Variants in GLIS3 observed in about 807,000 individuals in gnomAD.
GLIS3 encodes the protein zinc finger protein GLIS3.
GLIS3 carries 53 observed loss-of-function variants against 78.6 expected under a neutral mutation model. The observed-to-expected ratio is 0.67, with a 90% CI of 0.54 to 0.85. The LOEUF (loss-of-function observed/expected upper bound fraction) is 0.85, where lower values mean the gene tolerates loss of function less well. GLIS3 is among the 40% of genes least tolerant of loss of function. The pLI is 0.00. For synonymous variants in GLIS3, 684 were observed against 509.9 expected (o/e 1.34, Z -4.60); for missense variants, 1,703 against 1,231.1 (o/e 1.38, Z -5.74).
intron 4 of GLIS3, among the ~76,000 whole-genome samples, chr9:3,991,881 G>A (rs538703686): frequency 4.6e-5 from 7 of 151,682 alleles, no homozygotes; most frequent in Admixed American, 2.0e-4. Context: ...TAGTAGAGAC[G>A]GGGTTTCACC....
At chr9:3,892,678 T>G (rs1273686358) in intron 7 of GLIS3, among the ~76,000 whole-genome samples, 1 of 152,180 alleles carries the variant, frequency 6.6e-6, no homozygotes, top group Non-Finnish European at 1.5e-5. Flanking sequence ...AACAGTTTTT[T>G]TTTTCTTTAC....
chr9:4,017,786 T>G (rs1822557334), intron 4 of GLIS3, among the ~76,000 whole-genome samples: 1 of 152,168 alleles, frequency 6.6e-6, no homozygotes, highest in African/African-American at 2.4e-5. Context: ...TGGTAGTTTT[T>G]CAACAATATT....
intron 2 of GLIS3, among the ~76,000 whole-genome samples, chr9:4,343,271 G>T (rs968058557): frequency 2.0e-5 from 3 of 152,204 alleles, no homozygotes; most frequent in African/African-American, 4.8e-5. Flanking sequence ...GAGCCCAGGA[G>T]TTCGAGGCTT....
intron 7 of GLIS3, chr9:3,898,318 A>G (rs1823015568): frequency 3.2e-6 from 1 of 310,186 alleles, no homozygotes; most frequent in Non-Finnish European, 6.3e-6. Flanking sequence ...AAACATAAAG[A>G]TGACAACAAC....
At chr9:4,182,510 T>A (rs1310362731) in intron 2 of GLIS3, among the ~76,000 whole-genome samples, 1 of 152,152 alleles carries the variant, frequency 6.6e-6, no homozygotes, top group African/African-American at 2.4e-5. Flanking sequence ...GGGCAGAGGT[T>A]GAATTGAAAA....
intron 2 of GLIS3, chr9:4,285,829 T>G: frequency 6.5e-6 from 4 of 618,130 alleles, no homozygotes; most frequent in Middle Eastern, 2.5e-4. Flanking sequence ...TCCCAGGAGA[T>G]GTCTCATACT....
At chr9:4,374,996 C>G in the GLIS3 span, among the ~76,000 whole-genome samples, 21 of 152,224 alleles carry the variant, frequency 1.4e-4, no homozygotes, top group East Asian at 2.3e-3. Context: ...ATTATTTCAA[C>G]CCCCCTACTG....
intron 5 of GLIS3, 40 bp downstream of exon 5, chr9:3,936,988 G>A: frequency 6.2e-7 from 1 of 1,611,656 alleles, no homozygotes; most frequent in Non-Finnish European, 8.5e-7. Flanking sequence ...CCTCACACCA[G>A]GCGCTGGGTT....
At chr9:3,875,918 A>G (rs183575216) in intron 8 of GLIS3, among the ~76,000 whole-genome samples, 2 of 152,244 alleles carry the variant, frequency 1.3e-5, no homozygotes, top group African/African-American at 4.8e-5. Flanking sequence ...AACCCCTATG[A>G]TCATTTAACA....
chr9:4,439,298 C>T, the GLIS3 span, among the ~76,000 whole-genome samples: 20 of 152,206 alleles, frequency 1.3e-4, no homozygotes, highest in Non-Finnish European at 1.5e-5. Context: ...AAAATGCACA[C>T]TCCAATGTTT....
chr9:4,252,071 T>C (rs1259479836), intron 2 of GLIS3, among the ~76,000 whole-genome samples: 1 of 152,154 alleles, frequency 6.6e-6, no homozygotes, highest in Non-Finnish European at 1.5e-5. Context: ...GTGAATCTGA[T>C]AATTATGTGT....
At chr9:4,396,552 G>C in the GLIS3 span, among the ~76,000 whole-genome samples, 1 of 152,138 alleles carries the variant, frequency 6.6e-6, no homozygotes, top group African/African-American at 2.4e-5. Context: ...AAAATTTCTA[G>C]TTTCCTTTCA....
chr9:3,860,246 G>T (rs1211509908), intron 8 of GLIS3, among the ~76,000 whole-genome samples: 1 of 103,028 alleles, frequency 9.7e-6, no homozygotes, highest in Non-Finnish European at 1.8e-5. Context: ...CTGCACTCCA[G>T]CCTGGGTGAC....
At chr9:4,406,869 C>G in the GLIS3 span, among the ~76,000 whole-genome samples, 11 of 152,286 alleles carry the variant, frequency 7.2e-5, no homozygotes, top group Non-Finnish European at 1.6e-4. Flanking sequence ...TTTATACTAG[C>G]CAAAGCAATC....
intron 2 of GLIS3, among the ~76,000 whole-genome samples, chr9:4,172,983 C>T (rs1816502801): frequency 1.3e-5 from 2 of 152,072 alleles, no homozygotes; most frequent in Non-Finnish European, 2.9e-5. Context: ...TTGTAAAATC[C>T]TCTCCTTTCT....
At chr9:4,205,137 C>T (rs1819752648) in intron 2 of GLIS3, among the ~76,000 whole-genome samples, 1 of 147,242 alleles carries the variant, frequency 6.8e-6, no homozygotes, top group South Asian at 2.1e-4. Context: ...GATCACCCCA[C>T]TGCACTCCAG....
intron 2 of GLIS3, among the ~76,000 whole-genome samples, chr9:4,271,294 C>A (rs1323987610): frequency 6.6e-6 from 1 of 152,148 alleles, no homozygotes; most frequent in African/African-American, 2.4e-5. Context: ...ACTATGTTAT[C>A]AGCAAGGCTT....
chr9:4,224,246 A>T (rs753284546), intron 2 of GLIS3, among the ~76,000 whole-genome samples: 39 of 152,308 alleles, frequency 2.6e-4, no homozygotes, highest in Non-Finnish European at 4.7e-4. Flanking sequence ...GTGATTGACC[A>T]AGGTGATCTC....
At chr9:3,830,468 AAAATGTG>A (rs1181138546) in intron 9 of GLIS3, among the ~76,000 whole-genome samples, 6 of 152,232 alleles carry the variant, frequency 3.9e-5, no homozygotes, top group African/African-American at 1.4e-4. Flanking sequence ...CCTCAACCGT[AAAATGTG>A]AATGTCATTG....
Sources: allele counts gnomAD v4.1 joint callset (sites outside exome capture counted in the v4.1 genomes callset), GRCh38; gene constraint gnomAD v4.1.1; transcripts MANE v1.5; gene names NCBI Gene and HGNC (gene_info 2026-07-23, HGNC 2026-07-21).